The following LMCD1 variants were observed in gnomAD, a reference collection of about 807,000 sequenced individuals.
The protein encoded by LMCD1 is LIM and cysteine rich domains 1, also known as LIM and cysteine-rich domains protein 1.
Under a neutral mutation model 42.7 loss-of-function variants are expected in LMCD1, and 32 were observed. The observed-to-expected ratio is 0.75, with a 90% confidence interval of 0.57 to 1.01. The LOEUF (loss-of-function observed/expected upper bound fraction) is 1.01. Among genes scored for constraint, LMCD1 ranks in the 50% least tolerant of loss-of-function variants. LMCD1 has a pLI of 0.00. For missense variants in LMCD1, 458 were observed against 483.1 expected, an observed-to-expected ratio of 0.95 and a Z score of 0.49; for synonymous variants, 178 against 184.9, an observed-to-expected ratio of 0.96 and a Z score of 0.30.
At position 8,568,023 on chromosome 3, in the gene LMCD1, C is replaced by CT. The variant is rs1185749094; in HGVS notation, c.*426dup. The CT allele has an allele frequency of 6.5e-6, 1 of 153,658 alleles. No homozygotes were observed. Among genetic ancestry groups the CT allele is most frequent in the East Asian group, 1.9e-4 (1 of 5,258 alleles). 9.5% of individuals were successfully genotyped at this position (153,658 alleles called of 1,614,324 possible). A position where few individuals can be genotyped will look rare whatever the true frequency, so the allele number is the denominator to read the frequency against. The stretch of plus-strand genomic sequence containing the variant: ...CTCCAGGAGCAGGCTGGGATCCCAA[C>CT]TATCGCTTGTTGCCTCTTTTTCAAG... On this transcript the variant is annotated 3_prime_UTR_variant, in exon 6 of 6. Coordinates refer to ENST00000157600, the MANE Select transcript of LMCD1 (RefSeq NM_014583.4).
intron 2 of LMCD1, among the ~76,000 whole-genome samples, chr3:8,533,656 G>A (rs752342590): frequency 2.6e-5 from 4 of 152,120 alleles, no homozygotes; most frequent in East Asian, 1.9e-4. Flanking sequence ...AAATAACTAC[G>A]TATGAACTGA....
chr3:8,523,914 T>C (rs554452397), intron 1 of LMCD1, among the ~76,000 whole-genome samples: 2 of 152,252 alleles, frequency 1.3e-5, no homozygotes, highest in African/African-American at 4.8e-5. Flanking sequence ...GGGCAACAAA[T>C]GTAGACTTTA....
chr3:8,502,780 A>C (rs1224057019), intron 1 of LMCD1, among the ~76,000 whole-genome samples: 1 of 152,108 alleles, frequency 6.6e-6, no homozygotes, highest in African/African-American at 2.4e-5. Context: ...TATAGCTCCA[A>C]TACCACTTGT....
At position 8,574,036 on chromosome 3, in the gene LMCD1, T is replaced by G. The variant is rs1695261502; in HGVS notation, c.*6438T>G. The G allele has an allele frequency of 6.6e-6, 1 of 152,188 alleles. No individual in the cohort carries two copies. Among genetic ancestry groups the G allele is most frequent in the South Asian group, 2.1e-4 (1 of 4,822 alleles). 9.4% of individuals were successfully genotyped at this position (152,188 alleles called of 1,614,324 possible). On this transcript the variant is annotated 3_prime_UTR_variant, in exon 6 of 6. Transcript: ENST00000157600. Reference sequence around the variant, plus strand: ...GTTAAGTCTCTGCTTCTTTTCTCCATCTCTCTTCTGTCTTCCTCCACACTG... The same window carrying G: ...GTTAAGTCTCTGCTTCTTTTCTCCAGCTCTCTTCTGTCTTCCTCCACACTG...
chr3:8,532,664 TC>T (rs1694434186), intron 1 of LMCD1, 72 bp from the exon 2 acceptor site: 1 of 1,313,992 alleles, frequency 7.6e-7, no homozygotes, highest in Admixed American at 1.7e-5. Context: ...GCACGCCAAG[TC>T]TTTTAGAGGT....
intron 1 of LMCD1, among the ~76,000 whole-genome samples, chr3:8,502,368 A>ATATTATATATAATATATATTATATAT (rs1693766220): frequency 3.1e-4 from 28 of 89,708 alleles, no homozygotes; most frequent in Non-Finnish European, 3.8e-4. Flanking sequence ...TATATTATAT[A>ATATTATATATAATATATATTATATAT]AAATATATAT....
chr3:8,505,545 T>C (rs1304804482), intron 1 of LMCD1, among the ~76,000 whole-genome samples: 1 of 152,176 alleles, frequency 6.6e-6, no homozygotes, highest in East Asian at 1.9e-4. Flanking sequence ...CAAGGAACCA[T>C]CTGTAGGAAT....
intron 1 of LMCD1, among the ~76,000 whole-genome samples, chr3:8,519,409 T>C (rs77819204): frequency 6.6e-6 from 1 of 152,336 alleles, no homozygotes; most frequent in East Asian, 1.9e-4. Flanking sequence ...ACTCAAGAGA[T>C]AATTTTCTGG....
chr3:8,530,476 C>T (rs1694391698), intron 1 of LMCD1, among the ~76,000 whole-genome samples: 1 of 152,224 alleles, frequency 6.6e-6, no homozygotes. Flanking sequence ...GCTCCACTCT[C>T]CAAGCCAAGC....
intron 5 of LMCD1, among the ~76,000 whole-genome samples, chr3:8,566,516 C>T (rs1695135168): frequency 2.0e-5 from 3 of 152,194 alleles, no homozygotes; most frequent in Admixed American, 2.0e-4. Flanking sequence ...AGGAAAAGGA[C>T]TGTCACAGGC....
At position 8,573,372 on chromosome 3, in the gene LMCD1, T is replaced by C. The variant is rs562843636; in HGVS notation, c.*5774T>C. The C allele has an allele frequency of 5.9e-5, 9 of 152,342 alleles. No individual in the cohort carries two copies. Among genetic ancestry groups the C allele is most frequent in the African/African-American group, 1.9e-4 (8 of 41,580 alleles). The allele number at this position is 152,342 out of a possible 1,614,324, so 9.4% of individuals were successfully genotyped here. A position where few individuals can be genotyped will look rare whatever the true frequency, so the allele number is the denominator to read the frequency against. ...ACATATCCATTACCTCACATAGTTATTTTTTGTGGTGAGAACATTTTAAAA... is the reference window on the plus strand; with the variant it reads ...ACATATCCATTACCTCACATAGTTACTTTTTGTGGTGAGAACATTTTAAAA... On this transcript the variant is annotated 3_prime_UTR_variant, in exon 6 of 6. Coordinates refer to ENST00000157600, the MANE Select transcript of LMCD1 (RefSeq NM_014583.4).
rs925046427 is a variant in LMCD1, at chr3:8,571,222, T to A, written c.*3624T>A. The A allele has an allele frequency of 1.3e-5, 2 of 152,210 alleles. No individual in the cohort carries two copies. Among genetic ancestry groups the A allele is most frequent in the Admixed American group, 6.5e-5 (1 of 15,286 alleles). 9.4% of individuals were successfully genotyped at this position (152,210 alleles called of 1,614,324 possible). A position where few individuals can be genotyped will look rare whatever the true frequency, so the allele number is the denominator to read the frequency against. On this transcript the variant is annotated 3_prime_UTR_variant, in exon 6 of 6. Coordinates refer to ENST00000157600, the MANE Select transcript of LMCD1 (RefSeq NM_014583.4). ...TCCAAGGCCTTTATTGTGCTATAATTATTTATTCATGAAAGCCTTCCCCTA... is the reference window on the plus strand; with the variant it reads ...TCCAAGGCCTTTATTGTGCTATAATAATTTATTCATGAAAGCCTTCCCCTA...
At chr3:8,537,540 A>C in intron 3 of LMCD1, 100 bp downstream of exon 3, 1 of 1,335,240 alleles carries the variant, frequency 7.5e-7, no homozygotes. Context: ...GCAAGAGCTC[A>C]AGGTCACAAA....
intron 4 of LMCD1, among the ~76,000 whole-genome samples, chr3:8,555,498 C>A (rs1007667016): frequency 3.3e-5 from 5 of 152,192 alleles, no homozygotes; most frequent in Admixed American, 2.0e-4. Flanking sequence ...AGTCCCGCCA[C>A]CCCTGGCTCA....
chr3:8,550,162 T>A, intron 4 of LMCD1: 9 of 1,330,512 alleles, frequency 6.8e-6, no homozygotes, highest in Non-Finnish European at 7.7e-6. Context: ...ATGGCTTGGT[T>A]TGTCTTAAAC....
At chr3:8,519,927 T>A (rs113116817) in intron 1 of LMCD1, among the ~76,000 whole-genome samples, 1,921 of 145,178 alleles carry the variant, frequency 0.013, 25 homozygotes, top group Middle Eastern at 0.077. Context: ...TGAGAGAGAG[T>A]GTGTGTGTGT....
chr3:8,510,063 G>A (rs1039116256), intron 1 of LMCD1, among the ~76,000 whole-genome samples: 4 of 152,240 alleles, frequency 2.6e-5, no homozygotes, highest in African/African-American at 9.6e-5. Context: ...GGAGCATAGG[G>A]AAAGGGCTCT....
intron 4 of LMCD1, among the ~76,000 whole-genome samples, chr3:8,552,598 G>A (rs1192641813): frequency 1.3e-5 from 2 of 152,162 alleles, no homozygotes; most frequent in Non-Finnish European, 2.9e-5. Context: ...TTTGAGGACC[G>A]CTGCTAACAG....
At chr3:8,532,916 T>A in intron 2 of LMCD1, 91 bp downstream of exon 2, 1 of 1,014,742 alleles carries the variant, frequency 9.9e-7, no homozygotes, top group Non-Finnish European at 1.6e-6. Context: ...CTGAGACTGC[T>A]TTGGTTGTAT....
Sources: allele counts gnomAD v4.1 joint callset (sites outside exome capture counted in the v4.1 genomes callset), GRCh38; gene constraint gnomAD v4.1.1; transcripts MANE v1.5; gene names NCBI Gene and HGNC (gene_info 2026-07-23, HGNC 2026-07-21).